Variants in UBE2R2 observed in about 807,000 individuals in gnomAD.
The protein encoded by UBE2R2 is ubiquitin-conjugating enzyme E2 R2.
A neutral mutation model predicts 27.8 loss-of-function variants in UBE2R2; 1 was observed. That is an observed-to-expected ratio of 0.04 (90% confidence interval 0.01 to 0.17). The LOEUF is 0.17. UBE2R2 is among the 10% of genes least tolerant of loss of function. The probability of loss-of-function intolerance (pLI) is 1.00; values close to 1 mark genes in which losing one functional copy is unlikely to be tolerated. For synonymous variants in UBE2R2, 106 were observed against 113.3 expected (o/e 0.94, Z 0.41); for missense variants, 100 against 291.0 (o/e 0.34, Z 4.78).
chr9:33,834,767 G>A (rs376032352), intron 1 of UBE2R2, among the ~76,000 whole-genome samples: 5 of 151,688 alleles, frequency 3.3e-5, no homozygotes, highest in East Asian at 3.9e-4. Context: ...AAAATTAGCC[G>A]GATGTGGTGA....
chr9:33,843,065 T>A (rs889861452), intron 1 of UBE2R2, among the ~76,000 whole-genome samples: 2 of 144,696 alleles, frequency 1.4e-5, no homozygotes, highest in Non-Finnish European at 3.1e-5. Flanking sequence ...TTTTTTTTTT[T>A]AAGACAGAGT....
At chr9:33,820,705 CT>C (rs1159204811) in intron 1 of UBE2R2, among the ~76,000 whole-genome samples, 2 of 152,144 alleles carry the variant, frequency 1.3e-5, no homozygotes, top group African/African-American at 2.4e-5. Context: ...ACTCTTTTCC[CT>C]TTTTGGCATA....
chr9:33,860,401 A>G (rs1208069623), intron 1 of UBE2R2, among the ~76,000 whole-genome samples: 2 of 152,114 alleles, frequency 1.3e-5, no homozygotes, highest in Non-Finnish European at 2.9e-5. Flanking sequence ...ACCTGTTACT[A>G]CGCCCTACCA....
chr9:33,897,182 G>A lies in UBE2R2; in HGVS notation c.265-2992G>A, dbSNP rs531796797. On this transcript the variant is annotated intron_variant, in intron 2 of 4. Coordinates refer to ENST00000263228, the MANE Select transcript of UBE2R2 (RefSeq NM_017811.4). Reference sequence around the variant, plus strand: ...CTCCTGAGTAGCTGGGACTACAGGCGTCTGCCACCACGCCCGGCTAATTTT... The same window carrying A: ...CTCCTGAGTAGCTGGGACTACAGGCATCTGCCACCACGCCCGGCTAATTTT... Among the ~76,000 whole-genome samples the A allele has an allele frequency of 3.3e-5, 5 of 151,272 alleles. 1 individual carries two copies. The South Asian group carries it at 6.3e-4, about 19-fold the overall frequency.
At chr9:33,843,309 A>G (rs1820771072) in intron 1 of UBE2R2, among the ~76,000 whole-genome samples, 1 of 151,624 alleles carries the variant, frequency 6.6e-6, no homozygotes, top group African/African-American at 2.4e-5. Context: ...TTGGGCTTGC[A>G]AAGTGCTGGG....
chr9:33,830,087 G>A (rs1235019665), intron 1 of UBE2R2, among the ~76,000 whole-genome samples: 1 of 151,476 alleles, frequency 6.6e-6, no homozygotes, highest in East Asian at 1.9e-4. Context: ...GTGAGCCACC[G>A]CGCCCAGCCT....
intron 4 of UBE2R2, among the ~76,000 whole-genome samples, chr9:33,916,096 A>G (rs1470147122): frequency 2.6e-5 from 4 of 152,186 alleles, no homozygotes; most frequent in Non-Finnish European, 5.9e-5. Flanking sequence ...TAATCCCAAC[A>G]CTTTGGGAAG....
chr9:33,880,054 T>C (rs1821699182), intron 1 of UBE2R2, among the ~76,000 whole-genome samples: 1 of 151,276 alleles, frequency 6.6e-6, no homozygotes. Flanking sequence ...GCTGGCAACT[T>C]TTTGTATTTT....
At chr9:33,851,134 C>T (rs950404644) in intron 1 of UBE2R2, among the ~76,000 whole-genome samples, 2 of 152,092 alleles carry the variant, frequency 1.3e-5, no homozygotes, top group African/African-American at 2.4e-5. Context: ...TATGTTTGTT[C>T]GTATCCTTTG....
chr9:33,817,944 C>T lies in UBE2R2; in HGVS notation c.177+10C>T, dbSNP rs1825846780. ...AGGCGGCTACTTCAAGGTACCCTCA[C>T]CCTCCTCCCGGACCCTGCTTCCGCG... On this transcript the variant is annotated intron_variant, in intron 1 of 4. Coordinates refer to ENST00000263228, the MANE Select transcript of UBE2R2 (RefSeq NM_017811.4). The T allele has an allele frequency of 1.2e-6, 2 of 1,602,646 alleles. No individual in the cohort carries two copies. Among genetic ancestry groups the T allele is most frequent in the Non-Finnish European group, 1.7e-6 (2 of 1,174,360 alleles).
chr9:33,897,431 T>C (rs1198006627), intron 2 of UBE2R2, among the ~76,000 whole-genome samples: 2 of 141,464 alleles, frequency 1.4e-5, no homozygotes, highest in African/African-American at 5.3e-5. Context: ...GATTCTCCTG[T>C]CTCAGCCTCC....
intron 1 of UBE2R2, chr9:33,831,024 GT>G (rs1424618729): frequency 2.2e-5 from 3 of 137,664 alleles, no homozygotes; most frequent in African/African-American, 8.2e-5. Flanking sequence ...ATCACAACCA[GT>G]TACAGATTGC....
chr9:33,874,562 A>G (rs10971757), intron 1 of UBE2R2, among the ~76,000 whole-genome samples: 20,730 of 151,926 alleles, frequency 0.14, 1,674 homozygotes, highest in South Asian at 0.33. Context: ...CATTGTTTTT[A>G]TATATGTATA....
intron 1 of UBE2R2, among the ~76,000 whole-genome samples, chr9:33,853,435 A>G (rs968560142): frequency 6.6e-6 from 1 of 151,710 alleles, no homozygotes; most frequent in Non-Finnish European, 1.5e-5. Flanking sequence ...TATGGCATGC[A>G]CCACCATGCC....
At chr9:33,905,224 A>G (rs1442007926) in intron 3 of UBE2R2, among the ~76,000 whole-genome samples, 1 of 152,164 alleles carries the variant, frequency 6.6e-6, no homozygotes, top group Non-Finnish European at 1.5e-5. Flanking sequence ...TATTAACCCA[A>G]TCAAGAGAGG....
intron 1 of UBE2R2, among the ~76,000 whole-genome samples, chr9:33,834,231 C>T (rs895723239): frequency 8.2e-5 from 12 of 145,666 alleles, no homozygotes; most frequent in African/African-American, 2.8e-4. Flanking sequence ...GACAGAGTCT[C>T]GCTCTGTTGC....
intron 1 of UBE2R2, among the ~76,000 whole-genome samples, chr9:33,838,414 T>G (rs1051653901): frequency 6.6e-6 from 1 of 152,086 alleles, no homozygotes; most frequent in Non-Finnish European, 1.5e-5. Context: ...CATTTTACTT[T>G]TCCTGCATGG....
chr9:33,850,564 C>T (rs1423608917), intron 1 of UBE2R2, among the ~76,000 whole-genome samples: 6 of 152,120 alleles, frequency 3.9e-5, no homozygotes, highest in African/African-American at 1.4e-4. Flanking sequence ...AACTGACTTG[C>T]ATATCTAGCT....
chr9:33,892,785 T>G (rs1371362095), intron 2 of UBE2R2, among the ~76,000 whole-genome samples: 1 of 152,140 alleles, frequency 6.6e-6, no homozygotes. Context: ...ATCAGAATCA[T>G]GTGGAGAAGT....
Sources: gnomAD v4.1 joint callset for allele counts (sites outside exome capture counted in the v4.1 genomes callset) on GRCh38, gnomAD v4.1.1 for gene constraint, MANE v1.5 for transcripts, NCBI Gene and HGNC (gene_info 2026-07-23, HGNC 2026-07-21) for gene names.